The following ZFYVE9 variants were observed in gnomAD, a reference collection of about 807,000 sequenced individuals.
ZFYVE9 encodes the protein zinc finger FYVE domain-containing protein 9.
Under a neutral mutation model 126.7 loss-of-function variants are expected in ZFYVE9, and 43 were observed. The observed-to-expected ratio is 0.34, with a 90% CI of 0.27 to 0.44. The LOEUF is 0.44. ZFYVE9 is among the 20% of genes least tolerant of loss of function. The pLI is 1.00. For synonymous variants in ZFYVE9, 521 were observed against 597.4 expected, an observed-to-expected ratio of 0.87 and a Z score of 1.87; for missense variants, 1,476 against 1,697.0, an observed-to-expected ratio of 0.87 and a Z score of 2.29.
intron 1 of ZFYVE9, among the ~76,000 whole-genome samples, chr1:52,199,071 CT>C (rs796559751): frequency 5.4e-4 from 79 of 145,202 alleles, no homozygotes; most frequent in Middle Eastern, 3.7e-3. Flanking sequence ...AATCACGGAT[CT>C]TTTTTTTTTT....
chr1:52,338,612 T>G (rs1414730137), intron 16 of ZFYVE9, among the ~76,000 whole-genome samples: 1 of 152,244 alleles, frequency 6.6e-6, no homozygotes. Context: ...GTTTTGTTTT[T>G]AACATTGCTA....
At chr1:52,305,344 G>T (rs575229142) in intron 13 of ZFYVE9, among the ~76,000 whole-genome samples, 2 of 152,256 alleles carry the variant, frequency 1.3e-5, no homozygotes, top group South Asian at 4.1e-4. Context: ...CAGGAGAATT[G>T]CTTGAACATG....
chr1:52,172,141 G>T (rs1300456833), intron 1 of ZFYVE9, among the ~76,000 whole-genome samples: 1 of 152,130 alleles, frequency 6.6e-6, no homozygotes, highest in East Asian at 1.9e-4. Flanking sequence ...TAGGTCTAAC[G>T]TTTAAGTCTT....
intron 1 of ZFYVE9, among the ~76,000 whole-genome samples, chr1:52,197,268 T>C (rs1462080162): frequency 6.6e-6 from 1 of 152,134 alleles, no homozygotes; most frequent in Non-Finnish European, 1.5e-5. Flanking sequence ...AGAATTACTA[T>C]AGCGTGAACA....
In ZFYVE9 at chr1:52,268,454, C is replaced by G. The variant is rs1195815621; in HGVS notation, c.2456-9C>G. The G allele has an allele frequency of 6.2e-7, 1 of 1,606,682 alleles. No individual in the cohort carries two copies. The highest frequency in any genetic ancestry group is 2.2e-5 in the East Asian group (1 of 44,712). ...ATTGATGCCTGTTTTATTTTTCTGG[C>G]CCCTCAAGTGGCTCAGCCCAGAGAG... On this transcript the variant is annotated splice_polypyrimidine_tract_variant and intron_variant, in intron 6 of 18. Transcript: ENST00000287727.
chr1:52,327,471 G>A (rs145910950), intron 13 of ZFYVE9, among the ~76,000 whole-genome samples: 5,842 of 150,816 alleles, frequency 0.039, 171 homozygotes, highest in Non-Finnish European at 0.058. Context: ...GCGTGGTGGC[G>A]TGTGCCTGAA....
intron 10 of ZFYVE9, among the ~76,000 whole-genome samples, chr1:52,283,019 G>T (rs1645819865): frequency 6.6e-6 from 1 of 152,132 alleles, no homozygotes; most frequent in Non-Finnish European, 1.5e-5. Context: ...TAAGGGCAAG[G>T]TGATACATTG....
chr1:52,208,902 G>T (rs1489433134), intron 1 of ZFYVE9, among the ~76,000 whole-genome samples: 1 of 152,114 alleles, frequency 6.6e-6, no homozygotes, highest in African/African-American at 2.4e-5. Context: ...AGTTTTAGTG[G>T]TCCCAGTACA....
intron 1 of ZFYVE9, among the ~76,000 whole-genome samples, chr1:52,161,795 TTA>T (rs1336539161): frequency 6.6e-6 from 1 of 152,138 alleles, no homozygotes; most frequent in Non-Finnish European, 1.5e-5. Flanking sequence ...CTGAACTAAT[TTA>T]TGTGTTACTG....
chr1:52,200,301 C>G (rs1644911461), intron 1 of ZFYVE9, among the ~76,000 whole-genome samples: 1 of 152,108 alleles, frequency 6.6e-6, no homozygotes, highest in Admixed American at 6.6e-5. Flanking sequence ...ACCTCAGTCT[C>G]CTGAGTAGCT....
chr1:52,315,713 C>A (rs1454309532), intron 13 of ZFYVE9, among the ~76,000 whole-genome samples: 1 of 151,484 alleles, frequency 6.6e-6, no homozygotes, highest in African/African-American at 2.4e-5. Flanking sequence ...AGAGATGGGA[C>A]AAATAATAAA....
intron 1 of ZFYVE9, among the ~76,000 whole-genome samples, chr1:52,193,513 C>G (rs1454975365): frequency 1.3e-5 from 2 of 151,402 alleles, no homozygotes; most frequent in East Asian, 1.9e-4. Context: ...TCGAGACCAG[C>G]CTGGCCAACA....
At chr1:52,234,736 T>C (rs1645257763) in intron 3 of ZFYVE9, among the ~76,000 whole-genome samples, 1 of 152,194 alleles carries the variant, frequency 6.6e-6, no homozygotes, top group Admixed American at 6.5e-5. Context: ...TTCATGTAAA[T>C]GTGAAATCTA....
chr1:52,211,041 G>A (rs1204551817), intron 1 of ZFYVE9, among the ~76,000 whole-genome samples: 6 of 152,178 alleles, frequency 3.9e-5, no homozygotes, highest in Non-Finnish European at 8.8e-5. Context: ...ATTCACATGT[G>A]TAGAGATTCA....
At chr1:52,320,405 A>T (rs1646228684) in intron 13 of ZFYVE9, among the ~76,000 whole-genome samples, 1 of 152,224 alleles carries the variant, frequency 6.6e-6, no homozygotes, top group South Asian at 2.1e-4. Context: ...TGATCAAAGC[A>T]GTATTGTTTG....
intron 13 of ZFYVE9, among the ~76,000 whole-genome samples, chr1:52,320,328 C>G (rs545641056): frequency 2.0e-5 from 3 of 152,194 alleles, no homozygotes; most frequent in African/African-American, 7.2e-5. Context: ...CCTCGGCCTC[C>G]CAATGTGCTG....
rs561123836 is a variant in ZFYVE9, at chr1:52,238,063, T to C, written c.646T>C (p.Leu216=). 3 of 1,614,002 alleles carry C rather than the reference T, an allele frequency of 1.9e-6. No individual in the cohort carries two copies. The highest frequency in any genetic ancestry group is 2.7e-5 in the African/African-American group (2 of 75,030). ...DMNSEKQMDP[L]NRPKTEGRSV... is the part of the protein sequence containing the mutation. ...GAATTCAGAGAAACAAATGGATCCATTGAATAGACCGAAAACAGAGGGGAG... is the reference window on the plus strand; with the variant it reads ...GAATTCAGAGAAACAAATGGATCCACTGAATAGACCGAAAACAGAGGGGAG... The change falls in exon 4 of 19, where the codon TTG becomes CTG. Residue 216 remains leucine, a synonymous_variant. Coordinates refer to ENST00000287727, the MANE Select transcript of ZFYVE9 (RefSeq NM_004799.4).
intron 2 of ZFYVE9, among the ~76,000 whole-genome samples, chr1:52,231,094 G>T (rs917480420): frequency 2.0e-5 from 3 of 152,172 alleles, no homozygotes. Context: ...CAGATTGTGT[G>T]TTGTGAGAAA....
intron 11 of ZFYVE9, among the ~76,000 whole-genome samples, chr1:52,293,915 A>C (rs759241953): frequency 1.3e-5 from 2 of 152,242 alleles, no homozygotes; most frequent in Non-Finnish European, 2.9e-5. Flanking sequence ...GATAAAAAAC[A>C]CGATCATCTT....
Sources: allele counts gnomAD v4.1 joint callset (sites outside exome capture counted in the v4.1 genomes callset), GRCh38; gene constraint gnomAD v4.1.1; transcripts MANE v1.5; gene names NCBI Gene and HGNC (gene_info 2026-07-23, HGNC 2026-07-21).